Variants in STEAP3 observed in about 807,000 individuals in gnomAD.
The protein encoded by STEAP3 is metalloreductase STEAP3.
Under a neutral mutation model 34.9 loss-of-function variants are expected in STEAP3, and 35 were observed. The ratio of observed to expected loss-of-function variants is 1.00; its 90% confidence interval spans 0.76 to 1.33. The LOEUF (loss-of-function observed/expected upper bound fraction) is 1.33. Among genes scored for constraint, STEAP3 ranks in the 40% most tolerant of loss-of-function variants. The probability of loss-of-function intolerance (pLI) is 0.00; values close to 1 mark genes in which losing one functional copy is unlikely to be tolerated. For synonymous variants in STEAP3, 281 were observed against 301.6 expected (o/e 0.93, Z 0.71); for missense variants, 652 against 667.6 (o/e 0.98, Z 0.26).
intron 4 of STEAP3, among the ~76,000 whole-genome samples, chr2:119,250,990 G>C (rs1677608736): frequency 6.6e-6 from 1 of 152,178 alleles, no homozygotes; most frequent in Non-Finnish European, 1.5e-5. Flanking sequence ...TTATGTCGGG[G>C]TGGGTGGTCG....
At chr2:119,261,737 G>A (rs1677947711) in intron 5 of STEAP3, among the ~76,000 whole-genome samples, 1 of 152,166 alleles carries the variant, frequency 6.6e-6, no homozygotes, top group African/African-American at 2.4e-5. Context: ...CGTGGTCCAC[G>A]AGAACTCGTA....
At chr2:119,233,162 G>C (rs1676997465) in intron 2 of STEAP3, among the ~76,000 whole-genome samples, 1 of 152,170 alleles carries the variant, frequency 6.6e-6, no homozygotes, top group African/African-American at 2.4e-5. Flanking sequence ...CCCTCCAAAT[G>C]GTTGCCATGC....
intron 2 of STEAP3, among the ~76,000 whole-genome samples, chr2:119,237,693 C>T (rs1677131089): frequency 6.6e-6 from 1 of 152,240 alleles, no homozygotes; most frequent in Non-Finnish European, 1.5e-5. Context: ...ACACTAGTAG[C>T]AGTCTGCCAT....
Position 119,247,866 on chromosome 2 carries a change from A to G in STEAP3, c.710A>G (p.Tyr237Cys), listed in dbSNP as rs754975953. Residue 237 changes from tyrosine to cysteine, a missense_variant, in exon 4 of 6, where the codon TAT becomes TGT. Coordinates refer to ENST00000393110, the MANE Select transcript of STEAP3 (RefSeq NM_182915.3). Reference sequence around the variant, plus strand: ...GCCCTGGGGCTCTTCGTCTGCTTCTATGCCTACAACTTCGTCCGGGACGTT... The same window carrying G: ...GCCCTGGGGCTCTTCGTCTGCTTCTGTGCCTACAACTTCGTCCGGGACGTT... ...LLALGLFVCF[Y>C]AYNFVRDVLQ... The G allele has an allele frequency of 6.2e-7, 1 of 1,613,746 alleles. No homozygotes were observed. Among genetic ancestry groups the G allele is most frequent in the Non-Finnish European group, 8.5e-7 (1 of 1,179,998 alleles).
In STEAP3 at chr2:119,265,292, G is replaced by A. The variant is rs1238850985; in HGVS notation, c.*1954G>A. The A allele has an allele frequency of 6.6e-6, 1 of 152,194 alleles. No homozygotes were observed. The highest frequency in any genetic ancestry group is 1.5e-5 in the Non-Finnish European group (1 of 68,056). 9.4% of individuals were successfully genotyped at this position (152,194 alleles called of 1,614,324 possible). On this transcript the variant is annotated 3_prime_UTR_variant, in exon 6 of 6. Transcript: ENST00000393110. ...CCTTCCCACCCACCTCTGGCTGAAGGTGCTCAAGAGGGAAGCAATTATAAG... is the reference window on the plus strand; with the variant it reads ...CCTTCCCACCCACCTCTGGCTGAAGATGCTCAAGAGGGAAGCAATTATAAG...
intron 2 of STEAP3, among the ~76,000 whole-genome samples, chr2:119,232,176 TACTC>T (rs1277710451): frequency 6.6e-6 from 1 of 152,136 alleles, no homozygotes; most frequent in African/African-American, 2.4e-5. Context: ...GACTGGCTGT[TACTC>T]ACATCCTGAG....
rs1288651498 is a variant in STEAP3, at chr2:119,263,540, A to G, written c.*202A>G. ...GTGTATATGTATTTACATATATTCC[A>G]CATATATAACAGGATTTGCAATTAT... On this transcript the variant is annotated 3_prime_UTR_variant, in exon 6 of 6. Transcript: ENST00000393110. 1 of 707,486 alleles carries G rather than the reference A, an allele frequency of 1.4e-6. No homozygotes were observed. Among genetic ancestry groups the G allele is most frequent in the Admixed American group, 2.7e-5 (1 of 37,622 alleles). 43.8% of individuals were successfully genotyped at this position (707,486 alleles called of 1,614,324 possible).
intron 5 of STEAP3, among the ~76,000 whole-genome samples, chr2:119,258,218 T>C (rs958744062): frequency 3.3e-5 from 5 of 152,136 alleles, no homozygotes; most frequent in Admixed American, 2.6e-4. Context: ...TGCGAATGCA[T>C]TATAATTAGT....
At chr2:119,253,911 G>A (rs182449097) in intron 4 of STEAP3, among the ~76,000 whole-genome samples, 31 of 152,296 alleles carry the variant, frequency 2.0e-4, no homozygotes, top group Middle Eastern at 6.8e-3. Flanking sequence ...TAGGTGCTTC[G>A]TAAGTGGTCA....
chr2:119,246,121 G>A (rs1677418221), intron 3 of STEAP3, 133 bp downstream of exon 3: 1 of 1,257,632 alleles, frequency 8.0e-7, no homozygotes, highest in African/African-American at 1.5e-5. Flanking sequence ...CCATTTTACA[G>A]AACAGGAAAT....
rs143961302 is a variant in STEAP3, at chr2:119,245,548, G to A, written c.82G>A (p.Asp28Asn). The A allele has an allele frequency of 3.2e-5, 52 of 1,602,258 alleles. No individual in the cohort carries two copies. In the East Asian group the frequency reaches 6.3e-4, roughly 19 times the overall value. The change falls in exon 3 of 6, where the codon GAT (aspartate) becomes AAT (asparagine). Residue 28 changes from aspartate to asparagine, a missense_variant. Coordinates refer to ENST00000393110, the MANE Select transcript of STEAP3 (RefSeq NM_182915.3). Reference sequence around the variant, plus strand: ...GATCAGCCTCCACCTGGTGGACAGCGATAGTAGCCTTGCCAAGGTCCCCGA... The same window carrying A: ...GATCAGCCTCCACCTGGTGGACAGCAATAGTAGCCTTGCCAAGGTCCCCGA... The part of the protein sequence containing the change: ...PLISLHLVDS[D>N]SSLAKVPDEA...
intron 3 of STEAP3, chr2:119,246,273 G>T: frequency 2.5e-6 from 1 of 402,416 alleles, no homozygotes; most frequent in Non-Finnish European, 4.5e-6. Flanking sequence ...GGAAAAGGTT[G>T]ATGGCTTTTT....
In STEAP3 at chr2:119,245,537, T is replaced by C; in HGVS notation, c.71T>C (p.Leu24Pro). Residue 24 changes from leucine (L) to proline (P), a missense_variant, in exon 3 of 6, where the codon CTG becomes CCG. Transcript: ENST00000393110. ...GACAAGCCACTGATCAGCCTCCACCTGGTGGACAGCGATAGTAGCCTTGCC... is the reference window on the plus strand; with the variant it reads ...GACAAGCCACTGATCAGCCTCCACCCGGTGGACAGCGATAGTAGCCTTGCC... ...EMDKPLISLH[L>P]VDSDSSLAKV... The C allele has an allele frequency of 6.3e-7, 1 of 1,599,868 alleles. No individual in the cohort carries two copies. Among genetic ancestry groups the C allele is most frequent in the Non-Finnish European group, 8.6e-7 (1 of 1,168,476 alleles).
chr2:119,233,639 G>C (rs1273054628), intron 2 of STEAP3, among the ~76,000 whole-genome samples: 1 of 152,184 alleles, frequency 6.6e-6, no homozygotes, highest in East Asian at 1.9e-4. Flanking sequence ...GTAGGTGTTA[G>C]AGGCACAGAA....
intron 2 of STEAP3, chr2:119,245,093 GGGGT>G: frequency 2.1e-5 from 4 of 189,644 alleles, no homozygotes; most frequent in Admixed American, 1.0e-4. Context: ...TGGTGAGGTT[GGGGT>G]TAGATGGTCA....
Position 119,245,843 on chromosome 2 carries a change from AC to A in STEAP3, c.380del (p.Pro127LeufsTer260), listed in dbSNP as rs1238455988. Reference sequence around the variant, plus strand: ...GGCAAGATCCTGGTGGATGTGAGCAACCCTACAGAGCAAGAGCACCTTCAGC... The same window carrying A: ...GGCAAGATCCTGGTGGATGTGAGCAACCTACAGAGCAAGAGCACCTTCAGC... ...LAGKILVDVS[N>X]PTEQEHLQHR... On this transcript the variant is annotated frameshift_variant, in exon 3 of 6. Transcript: ENST00000393110. LOFTEE classifies it high-confidence loss of function. 4.3e-6 allele frequency: 7 copies of A among 1,614,050 alleles called. No homozygotes were observed. Among genetic ancestry groups the A allele is most frequent in the Admixed American group, 1.7e-5 (1 of 60,016 alleles).
intron 5 of STEAP3, among the ~76,000 whole-genome samples, chr2:119,261,203 C>G (rs946149911): frequency 6.6e-6 from 1 of 152,108 alleles, no homozygotes; most frequent in South Asian, 2.1e-4. Context: ...AATGTGGAAT[C>G]AGACCCACTT....
chr2:119,260,145 A>G (rs1677896415), intron 5 of STEAP3, among the ~76,000 whole-genome samples: 1 of 152,136 alleles, frequency 6.6e-6, no homozygotes, highest in African/African-American at 2.4e-5. Context: ...ACCACAGTCT[A>G]AAAGCCACAG....
In STEAP3 at chr2:119,263,169, C is replaced by G. The variant is rs538794610; in HGVS notation, c.1328C>G (p.Thr443Arg). The G allele has an allele frequency of 3.5e-5, 57 of 1,614,210 alleles. No homozygotes were observed. Among genetic ancestry groups the G allele is most frequent in the Admixed American group, 1.0e-4 (6 of 60,034 alleles). Residue 443 changes from threonine to arginine, a missense_variant, in exon 6 of 6, where the codon ACG becomes AGG. Transcript: ENST00000393110. ...RYKFYLPPTF[T>R]LTLLVPCVVI... ...AAGTTCTACCTGCCTCCCACCTTCA[C>G]GCTCACGCTGCTGGTGCCCTGCGTC...
Sources: gnomAD v4.1 joint callset for allele counts (sites outside exome capture counted in the v4.1 genomes callset) on GRCh38, gnomAD v4.1.1 for gene constraint, MANE v1.5 for transcripts, NCBI Gene and HGNC (gene_info 2026-07-23, HGNC 2026-07-21) for gene names.